MAGI1: variants seen among roughly 807,000 people sequenced by gnomAD.
The protein encoded by MAGI1 is membrane-associated guanylate kinase, WW and PDZ domain-containing protein 1.
A neutral mutation model predicts 139.9 loss-of-function variants in MAGI1; 58 were observed. The observed-to-expected ratio is 0.41, with a 90% CI of 0.34 to 0.52. MAGI1 has a LOEUF of 0.52. MAGI1 is among the 20% of genes least tolerant of loss of function. The pLI is 0.12. For missense variants in MAGI1, 1,874 were observed against 1,901.6 expected (o/e 0.99, Z 0.27); for synonymous variants, 812 against 737.9 (o/e 1.10, Z -1.63).
chr3:65,843,644 C>T (rs966569179), intron 1 of MAGI1, among the ~76,000 whole-genome samples: 4 of 152,162 alleles, frequency 2.6e-5, no homozygotes, highest in African/African-American at 9.7e-5. Context: ...TAGAGGACCC[C>T]TTCTTCATTT....
At chr3:65,516,283 G>C (rs930265455) in intron 2 of MAGI1, among the ~76,000 whole-genome samples, 6 of 151,882 alleles carry the variant, frequency 4.0e-5, no homozygotes, top group African/African-American at 1.5e-4. Context: ...GGGTTCAAGC[G>C]ATTCCCCTGC....
chr3:65,775,658 T>A (rs1185336186), intron 1 of MAGI1, among the ~76,000 whole-genome samples: 1 of 152,012 alleles, frequency 6.6e-6, no homozygotes, highest in African/African-American at 2.4e-5. Flanking sequence ...CAGTGGTTTC[T>A]GGTCAAACAC....
chr3:65,578,933 G>GAC (rs2081295962), intron 2 of MAGI1, among the ~76,000 whole-genome samples: 1 of 150,888 alleles, frequency 6.6e-6, no homozygotes, highest in Non-Finnish European at 1.5e-5. Context: ...AAGAGAGAGA[G>GAC]AGAGAGAGAG....
intron 2 of MAGI1, among the ~76,000 whole-genome samples, chr3:65,615,825 C>T (rs575211690): frequency 1.3e-5 from 2 of 152,250 alleles, no homozygotes; most frequent in East Asian, 1.9e-4. Context: ...CCTTACTTCG[C>T]GAAACATAAA....
intron 2 of MAGI1, among the ~76,000 whole-genome samples, chr3:65,495,691 G>C (rs181785118): frequency 7.0e-4 from 107 of 152,264 alleles, no homozygotes; most frequent in Admixed American, 3.0e-3. Context: ...GTATCTCAGA[G>C]CAACATAGGT....
At position 65,516,558 on chromosome 3, in the gene MAGI1, A is replaced by G. The variant is rs2077889304; in HGVS notation, c.431-22927T>C. Among the ~76,000 whole-genome samples, 5 of 152,196 alleles carry G rather than the reference A, an allele frequency of 3.3e-5. No individual in the cohort carries two copies. In the South Asian group the frequency reaches 6.2e-4, roughly 19 times the overall value. ...ATAATAGAGGTCTGTTAATATCACT[A>G]TCACCACAACAGAGTTATAAAGCAC... On this transcript the variant is annotated intron_variant, in intron 2 of 22. Coordinates refer to ENST00000402939, the MANE Select transcript of MAGI1 (RefSeq NM_001033057.2).
chr3:65,363,432 T>C (rs755535491), intron 21 of MAGI1, 33 bp downstream of exon 21: 4 of 1,572,094 alleles, frequency 2.5e-6, no homozygotes, highest in Non-Finnish European at 3.5e-6. Context: ...GATGGTTTCT[T>C]TGCACCTACC....
intron 6 of MAGI1, among the ~76,000 whole-genome samples, chr3:65,451,419 T>C (rs186720155): frequency 1.3e-5 from 2 of 152,340 alleles, no homozygotes; most frequent in Admixed American, 6.5e-5. Flanking sequence ...GCTATGATCT[T>C]TGAAAACTGG....
intron 1 of MAGI1, among the ~76,000 whole-genome samples, chr3:65,824,451 A>G (rs1348111916): frequency 6.6e-6 from 1 of 152,232 alleles, no homozygotes; most frequent in African/African-American, 2.4e-5. Context: ...CAGCAGGTAT[A>G]GAGGCCCCAG....
chr3:65,406,872 C>T (rs997711397), intron 12 of MAGI1, among the ~76,000 whole-genome samples: 1 of 151,958 alleles, frequency 6.6e-6, no homozygotes, highest in African/African-American at 2.4e-5. Context: ...CATCAGGGAC[C>T]ACTGAAAGCC....
At chr3:65,458,930 T>A (rs1484810397) in intron 5 of MAGI1, among the ~76,000 whole-genome samples, 2 of 152,240 alleles carry the variant, frequency 1.3e-5, no homozygotes, top group Admixed American at 1.3e-4. Flanking sequence ...AGTTTCATAG[T>A]TGGAGGTCTT....
chr3:65,594,798 G>C (rs1261310698), intron 2 of MAGI1, among the ~76,000 whole-genome samples: 1 of 152,130 alleles, frequency 6.6e-6, no homozygotes, highest in East Asian at 1.9e-4. Context: ...TGATGGGGGG[G>C]TGTCTTTTGA....
intron 1 of MAGI1, among the ~76,000 whole-genome samples, chr3:65,951,561 T>C (rs2063865347): frequency 1.3e-5 from 2 of 152,254 alleles, no homozygotes; most frequent in Non-Finnish European, 2.9e-5. Context: ...TGACTACCTG[T>C]TGAAATATTA....
chr3:65,457,352 A>C (rs1236202989), intron 5 of MAGI1, among the ~76,000 whole-genome samples: 5 of 152,184 alleles, frequency 3.3e-5, no homozygotes, highest in Non-Finnish European at 7.4e-5. Flanking sequence ...GTATTCCATG[A>C]AATTAATGTA....
chr3:65,500,945 G>A (rs931177718), intron 2 of MAGI1, among the ~76,000 whole-genome samples: 4 of 152,158 alleles, frequency 2.6e-5, no homozygotes, highest in Non-Finnish European at 5.9e-5. Context: ...AATATCCAGA[G>A]TATCAGTTGG....
At chr3:65,975,565 G>GGGCAACAT (rs2065227815) in intron 1 of MAGI1, among the ~76,000 whole-genome samples, 1 of 151,870 alleles carries the variant, frequency 6.6e-6, no homozygotes, top group South Asian at 2.1e-4. Flanking sequence ...AGACCAGCCT[G>GGGCAACAT]GGCAACATGG....
chr3:65,829,676 A>G (rs2042422364), intron 1 of MAGI1, among the ~76,000 whole-genome samples: 1 of 152,208 alleles, frequency 6.6e-6, no homozygotes, highest in Non-Finnish European at 1.5e-5. Context: ...AATGTTTTTT[A>G]ATAAGCATGA....
At chr3:65,929,254 C>T (rs551671022) in intron 1 of MAGI1, among the ~76,000 whole-genome samples, 1 of 152,140 alleles carries the variant, frequency 6.6e-6, no homozygotes, top group Non-Finnish European at 1.5e-5. Flanking sequence ...TCCTTTCATC[C>T]TTTCTCCTCA....
At chr3:65,927,123 C>A (rs1363268842) in intron 1 of MAGI1, among the ~76,000 whole-genome samples, 3 of 152,224 alleles carry the variant, frequency 2.0e-5, no homozygotes, top group South Asian at 2.1e-4. Flanking sequence ...AGATGGGCAA[C>A]CGGCAGCCCT....
Sources: gnomAD v4.1 joint callset for allele counts (sites outside exome capture counted in the v4.1 genomes callset) on GRCh38, gnomAD v4.1.1 for gene constraint, MANE v1.5 for transcripts, NCBI Gene and HGNC (gene_info 2026-07-23, HGNC 2026-07-21) for gene names.